The following PARM1 variants were observed in gnomAD, a reference collection of about 807,000 sequenced individuals.
PARM1 encodes the protein WSC4, cell wall integrity and stress response component 4 homolog.
A neutral mutation model predicts 24.6 loss-of-function variants in PARM1; 14 were observed. That is an observed-to-expected ratio of 0.57 (90% CI 0.38 to 0.89). The LOEUF is 0.89. Among genes scored for constraint, PARM1 ranks in the 40% least tolerant of loss-of-function variants. The pLI is 0.00. For missense variants in PARM1, 362 were observed against 380.4 expected, an observed-to-expected ratio of 0.95 and a Z score of 0.40; for synonymous variants, 179 against 156.6, an observed-to-expected ratio of 1.14 and a Z score of -1.07.
At chr4:74,934,157 G>C (rs1721127315) in intron 1 of PARM1, among the ~76,000 whole-genome samples, 1 of 152,164 alleles carries the variant, frequency 6.6e-6, no homozygotes, top group African/African-American at 2.4e-5. Context: ...AGGGGAGCCA[G>C]ATGACTGAGC....
intron 1 of PARM1, among the ~76,000 whole-genome samples, chr4:74,951,199 G>C: frequency 6.6e-6 from 1 of 152,212 alleles, no homozygotes; most frequent in East Asian, 1.9e-4. Flanking sequence ...TACTATGTTA[G>C]AGACAAATTT....
chr4:75,010,368 A>G (rs1052806899), intron 1 of PARM1, among the ~76,000 whole-genome samples: 22 of 152,208 alleles, frequency 1.4e-4, no homozygotes, highest in African/African-American at 4.8e-4. Flanking sequence ...CATGGGGAAA[A>G]GGGAGTTGTT....
At chr4:75,010,410 GA>G (rs1354677014) in intron 1 of PARM1, among the ~76,000 whole-genome samples, 1 of 152,120 alleles carries the variant, frequency 6.6e-6, no homozygotes, top group Non-Finnish European at 1.5e-5. Context: ...TTGGGAAAAT[GA>G]AAAAGTTCTG....
intron 2 of PARM1, among the ~76,000 whole-genome samples, chr4:75,028,478 T>C (rs892702315): frequency 5.3e-5 from 8 of 152,180 alleles, no homozygotes; most frequent in African/African-American, 1.9e-4. Context: ...CTCCAATTCT[T>C]ACCTAATCTC....
At chr4:75,041,636 A>G (rs892118051) in intron 3 of PARM1, among the ~76,000 whole-genome samples, 3 of 152,172 alleles carry the variant, frequency 2.0e-5, no homozygotes, top group Non-Finnish European at 2.9e-5. Flanking sequence ...TTAAGTATTG[A>G]TGCTACAGTT....
chr4:75,005,525 C>T (rs1722754692), intron 1 of PARM1, among the ~76,000 whole-genome samples: 1 of 152,172 alleles, frequency 6.6e-6, no homozygotes, highest in East Asian at 1.9e-4. Context: ...AAGGCAGACT[C>T]TCTACGCTAC....
At chr4:75,019,935 G>A (rs1482778852) in intron 2 of PARM1, among the ~76,000 whole-genome samples, 8 of 148,870 alleles carry the variant, frequency 5.4e-5, no homozygotes, top group East Asian at 2.0e-4. Flanking sequence ...CCCAGGAAGC[G>A]GAGCTTGCAG....
At chr4:74,971,227 T>C (rs571300417) in intron 1 of PARM1, among the ~76,000 whole-genome samples, 9 of 152,318 alleles carry the variant, frequency 5.9e-5, no homozygotes, top group African/African-American at 2.2e-4. Context: ...AGCAAAGGCA[T>C]GTCCTACATG....
chr4:74,941,224 A>G (rs1721303141), intron 1 of PARM1, among the ~76,000 whole-genome samples: 1 of 152,224 alleles, frequency 6.6e-6, no homozygotes, highest in Non-Finnish European at 1.5e-5. Context: ...GAGAGCCCAG[A>G]TAGTCTCCTT....
Position 74,933,322 on chromosome 4 carries a change from G to T in PARM1, c.-6G>T. 1 of 1,610,138 alleles carries T rather than the reference G, an allele frequency of 6.2e-7. No homozygotes were observed. Among genetic ancestry groups the T allele is most frequent in the South Asian group, 1.1e-5 (1 of 90,378 alleles). On this transcript the variant is annotated 5_prime_UTR_variant, in exon 1 of 4. Transcript: ENST00000307428. The stretch of plus-strand genomic sequence containing the variant: ...CCCCGGGCTGGGCACCAAATACCAG[G>T]CTACCATGGTCTACAAGACTCTCTT...
At chr4:74,966,778 G>A (rs1032462031) in intron 1 of PARM1, 4 of 152,234 alleles carry the variant, frequency 2.6e-5, no homozygotes, top group African/African-American at 9.6e-5. Flanking sequence ...TGATTTGGTT[G>A]TATTGTCTTG....
At chr4:74,972,084 G>C (rs1722050164) in intron 1 of PARM1, among the ~76,000 whole-genome samples, 1 of 152,204 alleles carries the variant, frequency 6.6e-6, no homozygotes, top group African/African-American at 2.4e-5. Context: ...TGCACGCCCT[G>C]TCTCTGAGCA....
At chr4:75,024,088 G>T (rs557693952) in intron 2 of PARM1, among the ~76,000 whole-genome samples, 28 of 152,122 alleles carry the variant, frequency 1.8e-4, no homozygotes, top group African/African-American at 6.5e-4. Flanking sequence ...TGGCTAACAC[G>T]GTGAAACCCC....
At chr4:74,991,289 T>C (rs1722461467) in intron 1 of PARM1, among the ~76,000 whole-genome samples, 1 of 152,084 alleles carries the variant, frequency 6.6e-6, no homozygotes, top group Admixed American at 6.6e-5. Context: ...AATATATGAA[T>C]CAATGGTTTT....
intron 1 of PARM1, among the ~76,000 whole-genome samples, chr4:74,945,862 T>A (rs1560771799): frequency 6.6e-6 from 1 of 152,314 alleles, no homozygotes; most frequent in East Asian, 1.9e-4. Flanking sequence ...AAATGTGGTG[T>A]AGGTAAATGC....
chr4:75,012,651 C>T lies in PARM1; in HGVS notation c.270C>T (p.Ile90=). 6.2e-7 allele frequency: 1 copy of T among 1,614,022 alleles called. No individual in the cohort carries two copies. The highest frequency in any genetic ancestry group is 8.5e-7 in the Non-Finnish European group (1 of 1,179,888). The change falls in exon 2 of 4, where the codon ATC becomes ATT. Residue 90 remains isoleucine, a synonymous_variant. Transcript: ENST00000307428. Reference sequence around the variant, plus strand: ...CCATAGAGTCCAGAGAAGAGGAGATCACCAGCCCAGGTTCGAATTGGGAAG... The same window carrying T: ...CCATAGAGTCCAGAGAAGAGGAGATTACCAGCCCAGGTTCGAATTGGGAAG... ...NISIESREEE[I]TSPGSNWEGT... is the part of the protein sequence containing the mutation.
intron 3 of PARM1, among the ~76,000 whole-genome samples, chr4:75,038,894 G>T (rs974193956): frequency 3.3e-5 from 5 of 152,196 alleles, no homozygotes; most frequent in Non-Finnish European, 7.4e-5. Flanking sequence ...CTGTAATTAG[G>T]TGTGCTGGTG....
chr4:75,039,923 A>C (rs148110012), intron 3 of PARM1, among the ~76,000 whole-genome samples: 1 of 152,072 alleles, frequency 6.6e-6, no homozygotes, highest in Non-Finnish European at 1.5e-5. Context: ...CTCAAGAGAG[A>C]TCTCCTTTGG....
intron 2 of PARM1, among the ~76,000 whole-genome samples, chr4:75,025,943 C>T (rs193285039): frequency 2.6e-5 from 4 of 152,208 alleles, no homozygotes; most frequent in Admixed American, 1.3e-4. Flanking sequence ...ACATTCCAGC[C>T]GTGATAATAC....
Sources: allele counts gnomAD v4.1 joint callset (sites outside exome capture counted in the v4.1 genomes callset), GRCh38; gene constraint gnomAD v4.1.1; transcripts MANE v1.5; gene names NCBI Gene and HGNC (gene_info 2026-07-23, HGNC 2026-07-21).